Variants in BICD1 observed in about 807,000 individuals in gnomAD.
BICD1 encodes BICD cargo adaptor 1.
Under a neutral mutation model 92.5 loss-of-function variants are expected in BICD1, and 35 were observed. The ratio of observed to expected loss-of-function variants is 0.38; its 90% CI spans 0.29 to 0.50. The LOEUF is 0.50. BICD1 is among the 20% of genes least tolerant of loss of function. The pLI, the probability that BICD1 is intolerant of heterozygous loss-of-function variation, is 0.93. For synonymous variants in BICD1, 429 were observed against 465.1 expected (o/e 0.92, Z 1.00); for missense variants, 950 against 1,189.8 (o/e 0.80, Z 2.97).
At chr12:32,213,615 T>C (rs1436809945) in intron 1 of BICD1, among the ~76,000 whole-genome samples, 1 of 152,152 alleles carries the variant, frequency 6.6e-6, no homozygotes, top group Non-Finnish European at 1.5e-5. Flanking sequence ...AGGCTGGTCT[T>C]GAACTCCTGA....
chr12:32,363,318 T>C (rs1050298410), intron 8 of BICD1, among the ~76,000 whole-genome samples: 1 of 152,162 alleles, frequency 6.6e-6, no homozygotes, highest in African/African-American at 2.4e-5. Flanking sequence ...ACTCAGGAGA[T>C]TGAGGCAGGA....
intron 1 of BICD1, among the ~76,000 whole-genome samples, chr12:32,179,403 A>G (rs960517901): frequency 1.3e-5 from 2 of 152,074 alleles, no homozygotes; most frequent in Non-Finnish European, 2.9e-5. Context: ...TGGTATTATT[A>G]TGTATTAATC....
In BICD1 at chr12:32,186,706, T is replaced by C. The variant is rs527261817; in HGVS notation, c.214-29541T>C. On this transcript the variant is annotated intron_variant, in intron 1 of 9. Coordinates refer to ENST00000652176, the MANE Select transcript of BICD1 (RefSeq NM_001714.4). ...AGTATAATTGTGGTCTTTAATGATG[T>C]AAAATAAAATACCATATTCATTTCT... is the stretch of plus-strand genomic sequence containing the variant. Among the ~76,000 whole-genome samples, 83 of 152,342 alleles carry C rather than the reference T, an allele frequency of 5.4e-4. 1 individual carries two copies. The highest frequency in any genetic ancestry group is 1.9e-3 in the African/African-American group (81 of 41,576).
chr12:32,292,210 G>A (rs770231344), intron 2 of BICD1, among the ~76,000 whole-genome samples: 21 of 152,250 alleles, frequency 1.4e-4, no homozygotes, highest in African/African-American at 5.1e-4. Flanking sequence ...CTGGCTTCTG[G>A]TGTTTGCTGG....
chr12:32,334,123 T>A (rs3816819), intron 5 of BICD1, among the ~76,000 whole-genome samples: 36,895 of 152,100 alleles, frequency 0.24, 4,923 homozygotes, highest in East Asian at 0.6. Flanking sequence ...TGATTATTCC[T>A]ATTGAAGCTG....
At chr12:32,258,979 A>C (rs2136122544) in intron 2 of BICD1, among the ~76,000 whole-genome samples, 1 of 152,268 alleles carries the variant, frequency 6.6e-6, no homozygotes. Context: ...GTGTTCCCTG[A>C]GTCCTCCAAG....
Position 32,294,125 on chromosome 12 carries a change from G to A in BICD1, c.558G>A (p.Val186=). Residue 186 remains valine, a synonymous_variant, in exon 3 of 10, where the codon GTG becomes GTA. Coordinates refer to ENST00000652176, the MANE Select transcript of BICD1 (RefSeq NM_001714.4). ...EEENITLQKL[V]STLKQNQVEY... is the part of the protein sequence containing the mutation. ...AAAATATCACATTGCAGAAACTAGT[G>A]TCCACGTTGAAGCAGAACCAGGTAA... 1.2e-6 allele frequency: 2 copies of A among 1,604,740 alleles called. No homozygotes were observed. Among genetic ancestry groups the A allele is most frequent in the Non-Finnish European group, 1.7e-6 (2 of 1,177,988 alleles).
At chr12:32,234,141 C>G (rs1187817981) in intron 2 of BICD1, among the ~76,000 whole-genome samples, 1 of 152,196 alleles carries the variant, frequency 6.6e-6, no homozygotes, top group African/African-American at 2.4e-5. Context: ...ATTTAACTTT[C>G]AATTTGAATT....
At chr12:32,296,256 GTTTTTTTTTTT>G (rs373796519) in intron 3 of BICD1, among the ~76,000 whole-genome samples, 1 of 90,194 alleles carries the variant, frequency 1.1e-5, no homozygotes. Context: ...GTTTTTTTTT[GTTTTTTTTTTT>G]TTTTTTTGAG....
At chr12:32,276,151 GTCCATGACTAAGA>G (rs1466272075) in intron 2 of BICD1, among the ~76,000 whole-genome samples, 1 of 152,138 alleles carries the variant, frequency 6.6e-6, no homozygotes, top group African/African-American at 2.4e-5. Context: ...CCCAGATGCA[GTCCATGACTAAGA>G]TCCACCGCAG....
At chr12:32,214,954 C>T (rs1279418102) in intron 1 of BICD1, among the ~76,000 whole-genome samples, 2 of 151,992 alleles carry the variant, frequency 1.3e-5, no homozygotes, top group South Asian at 2.1e-4. Context: ...AGGGGCCGGT[C>T]GTGGTGGCTC....
At chr12:32,339,344 A>G in intron 8 of BICD1, 1 of 998,358 alleles carries the variant, frequency 1.0e-6, no homozygotes, top group South Asian at 4.6e-5. Context: ...ATCGTTTTTA[A>G]TGTAATTTCC....
intron 8 of BICD1, among the ~76,000 whole-genome samples, chr12:32,359,522 A>G (rs1168821538): frequency 4.3e-5 from 2 of 46,802 alleles, no homozygotes; most frequent in East Asian, 3.6e-4. Flanking sequence ...CCATGAATCC[A>G]TTAACCCATG....
intron 1 of BICD1, among the ~76,000 whole-genome samples, chr12:32,183,312 C>T (rs1227557981): frequency 2.7e-5 from 4 of 146,876 alleles, no homozygotes; most frequent in African/African-American, 1.0e-4. Context: ...CTTGCTCTGT[C>T]ACCAGGCTGG....
At chr12:32,369,107 A>G (rs1378640240) in intron 9 of BICD1, among the ~76,000 whole-genome samples, 3 of 152,222 alleles carry the variant, frequency 2.0e-5, no homozygotes, top group African/African-American at 7.2e-5. Context: ...AAATTGTTAA[A>G]ACAGGTTTGC....
chr12:32,358,324 C>T (rs1375266257), intron 8 of BICD1, among the ~76,000 whole-genome samples: 2 of 151,922 alleles, frequency 1.3e-5, no homozygotes, highest in African/African-American at 4.8e-5. Flanking sequence ...TGGTCTTGAA[C>T]TCCTGAACTG....
At chr12:32,135,681 T>G (rs754480630) in intron 1 of BICD1, among the ~76,000 whole-genome samples, 18 of 152,164 alleles carry the variant, frequency 1.2e-4, no homozygotes, top group Non-Finnish European at 1.9e-4. Flanking sequence ...ATTACAGGCA[T>G]GAACCTTCAC....
At chr12:32,365,368 CTG>C (rs1419675591) in intron 8 of BICD1, among the ~76,000 whole-genome samples, 6 of 152,290 alleles carry the variant, frequency 3.9e-5, no homozygotes, top group African/African-American at 1.4e-4. Context: ...AGGGAGTACA[CTG>C]TGGTTCTGAT....
intron 1 of BICD1, among the ~76,000 whole-genome samples, chr12:32,133,351 G>C (rs1942624402): frequency 6.6e-6 from 1 of 151,978 alleles, no homozygotes; most frequent in Non-Finnish European, 1.5e-5. Flanking sequence ...AGCCGGGTAT[G>C]GTGGTGCACA....
Sources: gnomAD v4.1 joint callset for allele counts (sites outside exome capture counted in the v4.1 genomes callset) on GRCh38, gnomAD v4.1.1 for gene constraint, MANE v1.5 for transcripts, NCBI Gene and HGNC (gene_info 2026-07-23, HGNC 2026-07-21) for gene names.